Variants in VPS53 observed in about 807,000 individuals in gnomAD.
VPS53 encodes the protein vacuolar protein sorting-associated protein 53 homolog.
Under a neutral mutation model 107.0 loss-of-function variants are expected in VPS53, and 70 were observed. The ratio of observed to expected loss-of-function variants is 0.65; its 90% CI spans 0.54 to 0.80. VPS53 has a LOEUF of 0.80. VPS53 is among the 30% of genes least tolerant of loss of function. The pLI, the probability that VPS53 is intolerant of heterozygous loss-of-function variation, is 0.00. For synonymous variants in VPS53, 409 were observed against 393.3 expected, an observed-to-expected ratio of 1.04 and a Z score of -0.47; for missense variants, 917 against 1,049.4, an observed-to-expected ratio of 0.87 and a Z score of 1.74.
chr17:641,335 C>T (rs546537537), intron 7 of VPS53, among the ~76,000 whole-genome samples: 62 of 152,328 alleles, frequency 4.1e-4, no homozygotes, highest in African/African-American at 1.4e-3. Flanking sequence ...AAGAAGTCAA[C>T]AGACTTGAAA....
chr17:542,808 G>A (rs1043264808), intron 17 of VPS53, among the ~76,000 whole-genome samples: 9 of 151,838 alleles, frequency 5.9e-5, no homozygotes, highest in East Asian at 5.8e-4. Context: ...GTGAAACCCC[G>A]TCTCTACCAA....
intron 11 of VPS53, among the ~76,000 whole-genome samples, chr17:619,618 G>A (rs1359766127): frequency 6.6e-5 from 5 of 75,214 alleles, no homozygotes; most frequent in Non-Finnish European, 1.0e-4. Flanking sequence ...CTACAGGCGT[G>A]CACCACCACA....
intron 11 of VPS53, among the ~76,000 whole-genome samples, chr17:607,808 G>A (rs895726835): frequency 2.0e-5 from 3 of 152,068 alleles, no homozygotes; most frequent in Non-Finnish European, 2.9e-5. Context: ...TAAATCACAG[G>A]GGATTCCCAG....
intron 4 of VPS53, among the ~76,000 whole-genome samples, chr17:686,084 G>A (rs1029018631): frequency 6.6e-6 from 1 of 151,764 alleles, no homozygotes; most frequent in Non-Finnish European, 1.5e-5. Context: ...TCTGGGAAGC[G>A]TAGGTGGGAG....
intron 12 of VPS53, among the ~76,000 whole-genome samples, chr17:589,125 C>T (rs1967497737): frequency 1.3e-5 from 2 of 151,522 alleles, no homozygotes; most frequent in Admixed American, 1.3e-4. Flanking sequence ...AATATTCACA[C>T]TCTGCAGGAT....
At chr17:545,151 G>T (rs1186032500) in intron 17 of VPS53, among the ~76,000 whole-genome samples, 1 of 152,182 alleles carries the variant, frequency 6.6e-6, no homozygotes, top group Non-Finnish European at 1.5e-5. Flanking sequence ...TAACTCATCA[G>T]CAACACTACT....
At chr17:687,022 C>T (rs1384534569) in intron 4 of VPS53, among the ~76,000 whole-genome samples, 4 of 152,012 alleles carry the variant, frequency 2.6e-5, no homozygotes, top group Admixed American at 1.3e-4. Context: ...CAGTGGCTCA[C>T]GCCTGTAATC....
chr17:641,693 G>T (rs973542908), intron 7 of VPS53, among the ~76,000 whole-genome samples: 1 of 152,100 alleles, frequency 6.6e-6, no homozygotes, highest in African/African-American at 2.4e-5. Flanking sequence ...GGGCTCAAGC[G>T]ATCTGCCCAC....
At chr17:610,922 A>C (rs1204295304) in intron 11 of VPS53, among the ~76,000 whole-genome samples, 2 of 151,156 alleles carry the variant, frequency 1.3e-5, no homozygotes, top group Non-Finnish European at 3.0e-5. Context: ...TGGGCAACAG[A>C]GTGAGACTCT....
rs544424615 is a variant in VPS53, at chr17:700,972, T to C, written c.169-1592A>G. On this transcript the variant is annotated intron_variant, in intron 2 of 21. Coordinates refer to ENST00000437048, the MANE Select transcript of VPS53 (RefSeq NM_001128159.3). ...GGGTTGTCACAGCTCATCCTACTGT[T>C]CTGACCAAGCCAACAGTTACTCAGA... Among the ~76,000 whole-genome samples the C allele has an allele frequency of 3.0e-4, 46 of 152,262 alleles. No homozygotes were observed. The South Asian group carries it at 9.5e-3, about 32-fold the overall frequency.
At chr17:597,592 T>C (rs1000107880) in intron 12 of VPS53, among the ~76,000 whole-genome samples, 3 of 152,148 alleles carry the variant, frequency 2.0e-5, no homozygotes, top group Non-Finnish European at 4.4e-5. Context: ...ACCCAGGCTA[T>C]AGTGCAATGG....
intron 12 of VPS53, among the ~76,000 whole-genome samples, chr17:600,365 GC>G (rs952721178): frequency 2.0e-5 from 3 of 152,236 alleles, no homozygotes; most frequent in African/African-American, 7.2e-5. Context: ...GGCAGAGGTG[GC>G]CCTGTGTGGG....
intron 13 of VPS53, among the ~76,000 whole-genome samples, chr17:566,139 G>A (rs1354555160): frequency 6.7e-6 from 1 of 148,254 alleles, no homozygotes; most frequent in Admixed American, 6.7e-5. Context: ...GGGAGGCGGA[G>A]CTTGCAGTGA....
At chr17:534,660 A>G (rs1054811470) in intron 18 of VPS53, among the ~76,000 whole-genome samples, 2 of 152,190 alleles carry the variant, frequency 1.3e-5, no homozygotes, top group African/African-American at 4.8e-5. Context: ...GCTCATGCCT[A>G]TAATCCCAGC....
chr17:621,238 C>T (rs974177134), intron 11 of VPS53, among the ~76,000 whole-genome samples: 8 of 152,136 alleles, frequency 5.3e-5, no homozygotes, highest in South Asian at 4.1e-4. Context: ...GGATGACAGG[C>T]GTGAGCTGCT....
chr17:695,321 A>G (rs919760430), intron 4 of VPS53, among the ~76,000 whole-genome samples: 2 of 152,208 alleles, frequency 1.3e-5, no homozygotes, highest in African/African-American at 4.8e-5. Context: ...CATGGAAAAC[A>G]TCGTCAAGAA....
intron 13 of VPS53, among the ~76,000 whole-genome samples, chr17:563,964 T>C (rs1913253684): frequency 6.6e-6 from 1 of 152,222 alleles, no homozygotes. Context: ...AAAGAGAGGG[T>C]ACGGGCAGAG....
At chr17:606,691 G>A (rs184293681) in intron 11 of VPS53, among the ~76,000 whole-genome samples, 1 of 152,302 alleles carries the variant, frequency 6.6e-6, no homozygotes, top group Non-Finnish European at 1.5e-5. Context: ...GTGAGCAGCA[G>A]TGAGTGAGCA....
chr17:709,704 A>G (rs1973564775), intron 2 of VPS53, among the ~76,000 whole-genome samples: 1 of 152,154 alleles, frequency 6.6e-6, no homozygotes. Context: ...ATGGAAACGA[A>G]GCGGGACTCT....
Sources: gnomAD v4.1 joint callset for allele counts (sites outside exome capture counted in the v4.1 genomes callset) on GRCh38, gnomAD v4.1.1 for gene constraint, MANE v1.5 for transcripts, NCBI Gene and HGNC (gene_info 2026-07-23, HGNC 2026-07-21) for gene names.